The following VAV2 variants were observed in gnomAD, a reference collection of about 807,000 sequenced individuals.
The protein encoded by VAV2 is vav guanine nucleotide exchange factor 2, also known as guanine nucleotide exchange factor VAV2.
In VAV2, 67 loss-of-function variants were observed where a neutral mutation model predicts 132.5. That is an observed-to-expected ratio of 0.51 (90% confidence interval 0.42 to 0.62). The LOEUF is 0.62. Among genes scored for constraint, VAV2 ranks in the 20% least tolerant of loss-of-function variants. VAV2 has a pLI of 0.00. For synonymous variants in VAV2, 492 were observed against 443.5 expected (o/e 1.11, Z -1.37); for missense variants, 938 against 1,153.6 (o/e 0.81, Z 2.71).
rs114879208 is a variant in VAV2, at chr9:133,868,058, C to A, written c.322-6626G>T. ...CAGGAGACTTGGAGTGAGAGAGCCA[C>A]TGGCTTCTCCAATGATTGTTAACTG... On this transcript the variant is annotated intron_variant, in intron 2 of 29. Coordinates refer to ENST00000371850, the MANE Select transcript of VAV2 (RefSeq NM_001134398.2). Among the ~76,000 whole-genome samples the A allele has an allele frequency of 6.8e-3, 1,031 of 152,378 alleles. 10 individuals carry two copies. Among genetic ancestry groups the A allele is most frequent in the African/African-American group, 0.023 (974 of 41,586 alleles).
chr9:133,834,711 A>G lies in VAV2; in HGVS notation c.381-371T>C, dbSNP rs1458381296. ...CACTTCCAGGGGGTTCACAGTGGAG[A>G]TGAGGCTCCTCGCACACCTCCTGGT... is the stretch of plus-strand genomic sequence containing the variant. On this transcript the variant is annotated intron_variant, in intron 3 of 29. Coordinates refer to ENST00000371850, the MANE Select transcript of VAV2 (RefSeq NM_001134398.2). This position sits in a 1 kb window ranked among gnomAD's most constrained non-coding sequence, Gnocchi z 5.9. Among the ~76,000 whole-genome samples, 1 of 152,112 alleles carries G rather than the reference A, an allele frequency of 6.6e-6. No homozygotes were observed. Among genetic ancestry groups the G allele is most frequent in the Non-Finnish European group, 1.5e-5 (1 of 68,006 alleles).
In VAV2 at chr9:133,862,310, G is replaced by A. The variant is rs183833433; in HGVS notation, c.322-878C>T. ...CTGCAGATGAATACGGGGAACCCGC[G>A]GTGGGGGACAGGGAGCTGGCTGGCC... is the stretch of plus-strand genomic sequence containing the variant. On this transcript the variant is annotated intron_variant, in intron 2 of 29. Coordinates refer to ENST00000371850, the MANE Select transcript of VAV2 (RefSeq NM_001134398.2). Among the ~76,000 whole-genome samples, 243 of 152,360 alleles carry A rather than the reference G, an allele frequency of 1.6e-3. 1 individual carries two copies. Among genetic ancestry groups the A allele is most frequent in the African/African-American group, 5.5e-3 (227 of 41,584 alleles).
intron 2 of VAV2, among the ~76,000 whole-genome samples, chr9:133,929,698 C>T (rs976210902): frequency 1.3e-5 from 2 of 152,122 alleles, no homozygotes; most frequent in African/African-American, 4.8e-5. Flanking sequence ...CACAGCTGCC[C>T]GTCCATCATC....
At chr9:133,974,272 G>C (rs1473630578) in intron 1 of VAV2, among the ~76,000 whole-genome samples, 1 of 152,160 alleles carries the variant, frequency 6.6e-6, no homozygotes. Flanking sequence ...TGCTGGGTGA[G>C]TGAATACCCA....
At chr9:133,800,570 G>T (rs1414610731) in intron 9 of VAV2, among the ~76,000 whole-genome samples, 1 of 152,224 alleles carries the variant, frequency 6.6e-6, no homozygotes. Context: ...GCTGGGCCCA[G>T]TGATGGCCCC....
intron 3 of VAV2, among the ~76,000 whole-genome samples, chr9:133,838,479 ATGGGTG>A (rs1836563380): frequency 1.5e-5 from 1 of 66,356 alleles, no homozygotes. Context: ...GGGTGGGTGG[ATGGGTG>A]GATGGATGGA....
chr9:133,772,842 T>C (rs1024161133), intron 25 of VAV2, among the ~76,000 whole-genome samples: 6 of 151,554 alleles, frequency 4.0e-5, no homozygotes, highest in South Asian at 2.1e-4. Context: ...CTGGATGGCA[T>C]TGCCTACTGC....
intron 2 of VAV2, among the ~76,000 whole-genome samples, chr9:133,898,238 G>C (rs948593509): frequency 6.6e-6 from 1 of 152,122 alleles, no homozygotes; most frequent in Non-Finnish European, 1.5e-5. Context: ...AGGGTGGCCA[G>C]AGGGGCTCCA....
At chr9:133,942,921 T>G (rs1841223215) in intron 1 of VAV2, among the ~76,000 whole-genome samples, 1 of 152,192 alleles carries the variant, frequency 6.6e-6, no homozygotes, top group South Asian at 2.1e-4. Flanking sequence ...GGACAAAGCC[T>G]GGGGGCCACG....
intron 3 of VAV2, among the ~76,000 whole-genome samples, chr9:133,843,227 G>A (rs1291715533): frequency 1.3e-5 from 2 of 152,194 alleles, no homozygotes; most frequent in Non-Finnish European, 2.9e-5. Flanking sequence ...GCCGAGGGGT[G>A]CAGGGAGCAC....
At chr9:133,979,183 C>T (rs1025189823) in intron 1 of VAV2, among the ~76,000 whole-genome samples, 5 of 152,216 alleles carry the variant, frequency 3.3e-5, no homozygotes, top group African/African-American at 4.8e-5. Flanking sequence ...GAGACATGTC[C>T]GCCGAGCACT....
At chr9:133,902,638 C>G (rs186194861) in intron 2 of VAV2, among the ~76,000 whole-genome samples, 1 of 152,188 alleles carries the variant, frequency 6.6e-6, no homozygotes, top group East Asian at 1.9e-4. Flanking sequence ...AACTGTGTCC[C>G]CTCAAAAAAG....
In VAV2 at chr9:133,912,007, C is replaced by G. The variant is rs184805016; in HGVS notation, c.321+27096G>C. Among the ~76,000 whole-genome samples, 7 of 152,290 alleles carry G rather than the reference C, an allele frequency of 4.6e-5. No homozygotes were observed. The highest frequency in any genetic ancestry group is 1.7e-4 in the African/African-American group (7 of 41,546). On this transcript the variant is annotated intron_variant, in intron 2 of 29. Coordinates refer to ENST00000371850, the MANE Select transcript of VAV2 (RefSeq NM_001134398.2). The surrounding 1 kb of genome is among the most constrained non-coding windows in gnomAD (Gnocchi z 4.3). Reference sequence around the variant, plus strand: ...GTTCCATAGGTAAACGTGTGCCATGCTGGATTGCTGCACAGAGCATCCCAT... The same window carrying G: ...GTTCCATAGGTAAACGTGTGCCATGGTGGATTGCTGCACAGAGCATCCCAT...
At chr9:133,933,371 G>C (rs2519817) in intron 2 of VAV2, among the ~76,000 whole-genome samples, 1 of 152,202 alleles carries the variant, frequency 6.6e-6, no homozygotes, top group Non-Finnish European at 1.5e-5. Flanking sequence ...TACTAAATAC[G>C]TGGTAAATTA....
At position 133,936,915 on chromosome 9, in the gene VAV2, G is replaced by A. The variant is rs113799797; in HGVS notation, c.321+2188C>T. On this transcript the variant is annotated intron_variant, in intron 2 of 29. Transcript: ENST00000371850. ...TCTGCAGCCCCTCAGAGCCGCAGCC[G>A]CCTCACTGGAAACCATGGACGATGA... 5.7e-4 allele frequency among the ~76,000 whole-genome samples: 87 copies of A among 152,302 alleles called. 1 individual carries two copies. Among genetic ancestry groups the A allele is most frequent in the African/African-American group, 2.0e-3 (83 of 41,558 alleles).
At chr9:133,815,335 CT>C (rs1022456125) in intron 4 of VAV2, among the ~76,000 whole-genome samples, 19 of 152,178 alleles carry the variant, frequency 1.2e-4, no homozygotes, top group African/African-American at 4.6e-4. Context: ...TTTTGCTAAG[CT>C]TTTTAAGGAT....
intron 3 of VAV2, among the ~76,000 whole-genome samples, chr9:133,859,114 G>A (rs551526960): frequency 2.6e-5 from 4 of 152,060 alleles, no homozygotes; most frequent in Non-Finnish European, 5.9e-5. Context: ...GGCCCGGAGG[G>A]AGGGTGCCCA....
At chr9:133,806,289 G>A in intron 8 of VAV2, 108 bp from the exon 9 acceptor site, 1 of 1,060,724 alleles carries the variant, frequency 9.4e-7, no homozygotes, top group Non-Finnish European at 1.4e-6. Flanking sequence ...AAGGAGGGGA[G>A]GGGCCCGGGT....
rs759754687 is a variant in VAV2 at position 133,788,701 on chromosome 9, C to T, written c.1275-215G>A. On this transcript the variant is annotated intron_variant, in intron 14 of 29. Transcript: ENST00000371850. The surrounding 1 kb of genome is among the most constrained non-coding windows in gnomAD (Gnocchi z 5.3). Reference sequence around the variant, plus strand: ...GAAGCCTTCCTTGGCTCCCTACCCCCGTGACTGAGGCTGTGCCAGGAGCCC... The same window carrying T: ...GAAGCCTTCCTTGGCTCCCTACCCCTGTGACTGAGGCTGTGCCAGGAGCCC... 3.9e-5 allele frequency among the ~76,000 whole-genome samples: 6 copies of T among 152,146 alleles called. No homozygotes were observed. Among genetic ancestry groups the T allele is most frequent in the Admixed American group, 2.6e-4 (4 of 15,278 alleles).
Sources: gnomAD v4.1 joint callset for allele counts (sites outside exome capture counted in the v4.1 genomes callset) on GRCh38, gnomAD v4.1.1 for gene constraint, Gnocchi (gnomAD v3.1) non-coding constraint, MANE v1.5 for transcripts, NCBI Gene and HGNC (gene_info 2026-07-23, HGNC 2026-07-21) for gene names.